The following TENT2 variants were observed in gnomAD, a reference collection of about 807,000 sequenced individuals.
TENT2 encodes terminal nucleotidyltransferase 2.
A neutral mutation model predicts 72.2 loss-of-function variants in TENT2; 44 were observed. That is an observed-to-expected ratio of 0.61 (90% CI 0.48 to 0.78). The LOEUF is 0.78. Ranked by LOEUF, TENT2 falls within the 30% of genes least tolerant of loss-of-function variation. TENT2 has a pLI of 0.00. For synonymous variants in TENT2, 212 were observed against 192.5 expected, an observed-to-expected ratio of 1.10 and a Z score of -0.84; for missense variants, 541 against 569.6, an observed-to-expected ratio of 0.95 and a Z score of 0.51.
intron 11 of TENT2, among the ~76,000 whole-genome samples, chr5:79,660,697 T>C (rs1802142463): frequency 6.6e-6 from 1 of 152,200 alleles, no homozygotes; most frequent in South Asian, 2.1e-4. Context: ...AGCTGAAATA[T>C]TCCTGTCACT....
chr5:79,625,898 C>A (rs183570214), intron 4 of TENT2, among the ~76,000 whole-genome samples: 1 of 150,650 alleles, frequency 6.6e-6, no homozygotes, highest in Non-Finnish European at 1.5e-5. Context: ...GGTGCGATCT[C>A]GGCTCACTGA....
intron 11 of TENT2, among the ~76,000 whole-genome samples, chr5:79,668,180 G>A (rs1810008183): frequency 6.6e-6 from 1 of 152,044 alleles, no homozygotes; most frequent in Admixed American, 6.5e-5. Context: ...GTACCCGTTA[G>A]TATTCTTTCT....
chr5:79,637,705 G>A (rs572351125), intron 4 of TENT2, among the ~76,000 whole-genome samples: 31 of 152,100 alleles, frequency 2.0e-4, no homozygotes, highest in African/African-American at 6.7e-4. Context: ...GGGATTATTG[G>A]TGTGCTCAGC....
intron 4 of TENT2, 62 bp downstream of exon 4, chr5:79,623,551 C>T: frequency 8.5e-7 from 1 of 1,174,920 alleles, no homozygotes; most frequent in East Asian, 2.5e-5. Flanking sequence ...ATGTATTAAT[C>T]AAAAATATTT....
intron 1 of TENT2, chr5:79,617,491 T>C (rs932442193): frequency 6.6e-6 from 1 of 152,188 alleles, no homozygotes; most frequent in African/African-American, 2.4e-5. Context: ...TATGGTCAAA[T>C]ACATCAGATA....
At chr5:79,683,983 A>G (rs963669485) in intron 14 of TENT2, among the ~76,000 whole-genome samples, 4 of 151,514 alleles carry the variant, frequency 2.6e-5, no homozygotes, top group African/African-American at 7.3e-5. Flanking sequence ...CAAATATTCA[A>G]GAGAGAATAT....
In TENT2 at chr5:79,685,184, T is replaced by C. The variant is rs1406502995; in HGVS notation, c.1381-15T>C. 6.3e-7 allele frequency: 1 copy of C among 1,584,684 alleles called. No individual in the cohort carries two copies. The highest frequency in any genetic ancestry group is 2.3e-5 in the East Asian group (1 of 44,210). On this transcript the variant is annotated splice_polypyrimidine_tract_variant and intron_variant, in intron 14 of 14. Transcript: ENST00000453514. ...AAATTTTAGGTTTTAAGAATGATTT[T>C]TCTTTCTCTCCCAGTCATGGCACAG...
intron 3 of TENT2, 142 bp downstream of exon 3, chr5:79,620,225 T>G (rs1763669405): frequency 2.0e-6 from 1 of 501,760 alleles, no homozygotes; most frequent in African/African-American, 2.0e-5. Flanking sequence ...AGTCATGGAA[T>G]TTTAACATTT....
At chr5:79,619,232 G>C (rs1003863816) in intron 1 of TENT2, among the ~76,000 whole-genome samples, 1 of 152,150 alleles carries the variant, frequency 6.6e-6, no homozygotes, top group Admixed American at 6.5e-5. Flanking sequence ...TAGGAATCAG[G>C]ATGTCATGTG....
intron 3 of TENT2, among the ~76,000 whole-genome samples, chr5:79,620,853 G>A (rs1287685862): frequency 2.6e-5 from 4 of 152,028 alleles, no homozygotes; most frequent in Admixed American, 2.0e-4. Flanking sequence ...CACAGGTAAG[G>A]TTCCATGATA....
At chr5:79,659,553 A>AAGTATATAT (rs1554086793) in intron 11 of TENT2, among the ~76,000 whole-genome samples, 2 of 26,858 alleles carry the variant, frequency 7.4e-5, no homozygotes, top group Admixed American at 1.3e-3. Context: ...AAAAAAAAAA[A>AAGTATATAT]ATGTATATAT....
At chr5:79,630,139 A>T (rs1372444621) in intron 4 of TENT2, among the ~76,000 whole-genome samples, 1 of 152,196 alleles carries the variant, frequency 6.6e-6, no homozygotes, top group Non-Finnish European at 1.5e-5. Flanking sequence ...CGTCTCAAAA[A>T]TACAAAAATT....
At chr5:79,619,512 C>T in intron 1 of TENT2, 100 bp from the exon 2 acceptor site, 3 of 872,120 alleles carry the variant, frequency 3.4e-6, no homozygotes, top group Non-Finnish European at 4.8e-6. Flanking sequence ...AAATTTGTAA[C>T]TTGATAACTA....
At position 79,685,532 on chromosome 5, in the gene TENT2, A is replaced by G. The variant is rs554596199; in HGVS notation, c.*259A>G. On this transcript the variant is annotated 3_prime_UTR_variant, in exon 15 of 15. Transcript: ENST00000453514. ...GTGTTTTCAGGTGATCAGATAAAAT[A>G]TATTTTGGGAAATTAACTGAACAAA... The G allele has an allele frequency of 1.3e-3, 332 of 262,952 alleles. 1 individual carries two copies. The highest frequency in any genetic ancestry group is 7.9e-3 in the African/African-American group (312 of 39,666). 16.3% of individuals were successfully genotyped at this position (262,952 alleles called of 1,614,324 possible).
intron 4 of TENT2, among the ~76,000 whole-genome samples, chr5:79,632,731 G>C (rs7724550): frequency 0.2 from 30,850 of 152,070 alleles, 4,621 homozygotes; most frequent in African/African-American, 0.42. Context: ...TTTGGGGATA[G>C]TTATCTTACA....
intron 4 of TENT2, among the ~76,000 whole-genome samples, chr5:79,627,585 A>G (rs972417672): frequency 6.6e-6 from 1 of 152,144 alleles, no homozygotes; most frequent in African/African-American, 2.4e-5. Context: ...TCCCGGGTTC[A>G]AGCAGTTCTC....
intron 12 of TENT2, among the ~76,000 whole-genome samples, chr5:79,671,824 C>T (rs746686044): frequency 9.2e-5 from 14 of 151,940 alleles, no homozygotes; most frequent in Non-Finnish European, 1.8e-4. Flanking sequence ...TATTTTCGGC[C>T]GGGTGTGGTG....
intron 8 of TENT2, 72 bp from the exon 9 acceptor site, chr5:79,648,545 T>G: frequency 2.9e-6 from 3 of 1,032,980 alleles, no homozygotes; most frequent in Non-Finnish European, 4.3e-6. Context: ...GAGCATTAAT[T>G]TAGTTATTAG....
At chr5:79,651,309 G>A (rs1419898210) in intron 10 of TENT2, among the ~76,000 whole-genome samples, 1 of 151,474 alleles carries the variant, frequency 6.6e-6, no homozygotes, top group Non-Finnish European at 1.5e-5. Context: ...ACAAAAACAT[G>A]GTCTTCTTAA....
Sources: gnomAD v4.1 joint callset for allele counts (sites outside exome capture counted in the v4.1 genomes callset) on GRCh38, gnomAD v4.1.1 for gene constraint, MANE v1.5 for transcripts, NCBI Gene and HGNC (gene_info 2026-07-23, HGNC 2026-07-21) for gene names.